Variants in ITK observed in about 807,000 individuals in gnomAD.
The protein encoded by ITK is tyrosine-protein kinase ITK/TSK.
Under a neutral mutation model 87.6 loss-of-function variants are expected in ITK, and 45 were observed. The observed-to-expected ratio is 0.51, with a 90% CI of 0.40 to 0.66. The LOEUF (loss-of-function observed/expected upper bound fraction) is 0.66, where lower values mean the gene tolerates loss of function less well. ITK is among the 30% of genes least tolerant of loss of function. ITK has a pLI of 0.00. For synonymous variants in ITK, 303 were observed against 273.6 expected (o/e 1.11, Z -1.06); for missense variants, 605 against 766.3 (o/e 0.79, Z 2.48).
chr5:157,199,696 G>T (rs1367094764), intron 1 of ITK: 1 of 152,178 alleles, frequency 6.6e-6, no homozygotes, highest in Admixed American at 6.5e-5. Context: ...TGGCCTCTGT[G>T]AACTTCAATT....
intron 3 of ITK, among the ~76,000 whole-genome samples, chr5:157,211,835 C>A (rs890722308): frequency 6.6e-6 from 1 of 152,196 alleles, no homozygotes; most frequent in Admixed American, 6.5e-5. Context: ...GCCTGTGCTT[C>A]AGTTTCCCAT....
chr5:157,208,174 A>G (rs1377685320), intron 1 of ITK, among the ~76,000 whole-genome samples: 2 of 152,194 alleles, frequency 1.3e-5, no homozygotes, highest in East Asian at 3.8e-4. Flanking sequence ...TAAAGCATCA[A>G]ATCCCCTGAG....
intron 4 of ITK, 137 bp from the exon 5 acceptor site, chr5:157,217,730 A>G: frequency 1.4e-6 from 1 of 736,326 alleles, no homozygotes; most frequent in Non-Finnish European, 2.4e-6. Flanking sequence ...ACTGTGTCTT[A>G]TTGCTCCTTC....
chr5:157,242,361 C>A (rs1329071900), intron 11 of ITK, among the ~76,000 whole-genome samples: 2 of 152,158 alleles, frequency 1.3e-5, no homozygotes, highest in Non-Finnish European at 2.9e-5. Context: ...TATCTCCTAG[C>A]TTGGTGGTTC....
chr5:157,233,521 G>C lies in ITK; in HGVS notation c.768+1127G>C, dbSNP rs752036877. Among the ~76,000 whole-genome samples the C allele has an allele frequency of 3.3e-5, 5 of 152,156 alleles. No individual in the cohort carries two copies. The South Asian group carries it at 6.2e-4, about 19-fold the overall frequency. On this transcript the variant is annotated intron_variant, in intron 8 of 16. Coordinates refer to ENST00000422843, the MANE Select transcript of ITK (RefSeq NM_005546.4). ...ACACACATTAGAATTGCTGGGAAAT[G>C]TTCAAAAATACAGATTCCCAGGTCC...
rs967983974 is a variant in ITK at position 157,187,115 on chromosome 5, C to A, written c.138+6000C>A. Among the ~76,000 whole-genome samples, 171 of 152,236 alleles carry A rather than the reference C, an allele frequency of 1.1e-3. 1 individual carries two copies. The highest frequency in any genetic ancestry group is 3.7e-4 in the Non-Finnish European group (25 of 68,044). On this transcript the variant is annotated intron_variant, in intron 1 of 16. Transcript: ENST00000422843. ...TTTAAGTGTCACTTACTTGGGAAAG[C>A]CTTCCTTGATGTCCCTAGACTAAGT...
At chr5:157,248,684 C>A (rs1424830717) in intron 15 of ITK, among the ~76,000 whole-genome samples, 166 bp from the exon 16 acceptor site, 3 of 152,190 alleles carry the variant, frequency 2.0e-5, no homozygotes, top group African/African-American at 7.2e-5. Context: ...AATTTCAGTT[C>A]TTTAAAAATA....
At chr5:157,219,561 G>A (rs559708664) in intron 5 of ITK, among the ~76,000 whole-genome samples, 5 of 152,118 alleles carry the variant, frequency 3.3e-5, no homozygotes, top group East Asian at 1.9e-4. Flanking sequence ...AACTGGCAGC[G>A]TCCCCATAAA....
intron 13 of ITK, chr5:157,245,223 T>TAAAA: frequency 6.2e-6 from 1 of 160,732 alleles, no homozygotes; most frequent in Non-Finnish European, 1.3e-5. Context: ...AGACTCCATC[T>TAAAA]AAAAAAAAAA....
chr5:157,198,092 C>T (rs112437220), intron 1 of ITK, among the ~76,000 whole-genome samples: 1 of 150,470 alleles, frequency 6.6e-6, no homozygotes, highest in Admixed American at 6.7e-5. Flanking sequence ...CAAGGCCAAT[C>T]TGGACAACAG....
At chr5:157,245,814 T>C (rs770684410) in intron 14 of ITK, 24 bp downstream of exon 14, 1 of 1,613,114 alleles carries the variant, frequency 6.2e-7, no homozygotes, top group South Asian at 1.1e-5. Flanking sequence ...GTGGTGCCGG[T>C]GAAGTCTCAG....
At chr5:157,185,583 C>A (rs749123443) in intron 1 of ITK, among the ~76,000 whole-genome samples, 1 of 151,792 alleles carries the variant, frequency 6.6e-6, no homozygotes, top group Admixed American at 6.6e-5. Context: ...CAGAGACTCA[C>A]GCCTGCAATC....
chr5:157,181,194 G>A (rs990646050), intron 1 of ITK, 79 bp downstream of exon 1: 21 of 1,381,266 alleles, frequency 1.5e-5, no homozygotes, highest in Non-Finnish European at 2.1e-5. Context: ...TATATACATA[G>A]CATAAAATAG....
At chr5:157,240,254 G>T (rs911745703) in intron 10 of ITK, 59 bp downstream of exon 10, 32 of 1,508,322 alleles carry the variant, frequency 2.1e-5, no homozygotes, top group Non-Finnish European at 2.9e-5. Context: ...CAGCAGGTGA[G>T]CAAGCATTAC....
At position 157,240,349 on chromosome 5, in the gene ITK, C is replaced by A; in HGVS notation, c.985+154C>A. The A allele has an allele frequency of 5.4e-6, 4 of 734,424 alleles. No individual in the cohort carries two copies. The South Asian group carries it at 6.0e-5, about 11-fold the overall frequency. The allele number at this position is 734,424 out of a possible 1,614,324, so 45.5% of individuals were successfully genotyped here. A position where few individuals can be genotyped will look rare whatever the true frequency, so the allele number is the denominator to read the frequency against. ...CTATTGTGAACAGCACTTGTGGGAT[C>A]TAGGTTGTGTGCTCCTTATAAGAAT... On this transcript the variant is annotated intron_variant, in intron 10 of 16. Coordinates refer to ENST00000422843, the MANE Select transcript of ITK (RefSeq NM_005546.4).
At chr5:157,205,609 C>T (rs1754062516) in intron 1 of ITK, among the ~76,000 whole-genome samples, 1 of 152,090 alleles carries the variant, frequency 6.6e-6, no homozygotes, top group South Asian at 2.1e-4. Context: ...AACATAAACA[C>T]CCAAGTATAC....
intron 1 of ITK, among the ~76,000 whole-genome samples, chr5:157,182,758 G>A (rs933109787): frequency 1.4e-4 from 22 of 151,982 alleles, no homozygotes; most frequent in Non-Finnish European, 2.1e-4. Flanking sequence ...TCACCAGTTC[G>A]TTTTTCTGAT....
chr5:157,212,984 TG>T (rs907654594), intron 3 of ITK, among the ~76,000 whole-genome samples: 2 of 152,204 alleles, frequency 1.3e-5, no homozygotes, highest in African/African-American at 4.8e-5. Flanking sequence ...TCTAGTTCTG[TG>T]GTTGGTTCAT....
chr5:157,218,449 GTGAGCCA>G (rs1213367252), intron 5 of ITK, among the ~76,000 whole-genome samples: 1 of 149,870 alleles, frequency 6.7e-6, no homozygotes, highest in African/African-American at 2.5e-5. Flanking sequence ...CGAGACTGCA[GTGAGCCA>G]TGACTGTGTG....
Sources: allele counts gnomAD v4.1 joint callset (sites outside exome capture counted in the v4.1 genomes callset), GRCh38; gene constraint gnomAD v4.1.1; transcripts MANE v1.5; gene names NCBI Gene and HGNC (gene_info 2026-07-23, HGNC 2026-07-21).